PTPRQ: variants seen among roughly 807,000 people sequenced by gnomAD.
The protein encoded by PTPRQ is phosphatidylinositol phosphatase PTPRQ.
Under a neutral mutation model 246.0 loss-of-function variants are expected in PTPRQ, and 199 were observed. The ratio of observed to expected loss-of-function variants is 0.81; its 90% CI spans 0.72 to 0.91. The LOEUF is 0.91. Ranked by LOEUF, PTPRQ falls within the 40% of genes least tolerant of loss-of-function variation. PTPRQ has a pLI of 0.00. For synonymous variants in PTPRQ, 869 were observed against 853.2 expected, an observed-to-expected ratio of 1.02 and a Z score of -0.32; for missense variants, 2,624 against 2,528.4, an observed-to-expected ratio of 1.04 and a Z score of -0.81.
intron 43 of PTPRQ, among the ~76,000 whole-genome samples, chr12:80,674,254 A>G (rs905179591): frequency 1.3e-5 from 2 of 152,168 alleles, no homozygotes; most frequent in Admixed American, 6.6e-5. Context: ...GTTACATTCT[A>G]GAAAACAGAA....
intron 8 of PTPRQ, among the ~76,000 whole-genome samples, chr12:80,473,047 G>GCGCGCGCA (rs758446731): frequency 6.9e-6 from 1 of 145,574 alleles, no homozygotes; most frequent in African/African-American, 2.6e-5. Context: ...TCACACACAC[G>GCGCGCGCA]CACACACACA....
intron 11 of PTPRQ, 42 bp downstream of exon 11, chr12:80,495,136 G>A: frequency 2.6e-6 from 4 of 1,550,128 alleles, no homozygotes; most frequent in Non-Finnish European, 3.5e-6. Context: ...TGCAAATATT[G>A]CTGTTGTACA....
Position 80,542,225 on chromosome 12 carries a change from T to C in PTPRQ, c.3582T>C (p.Asn1194=), listed in dbSNP as rs751081052. 4.4e-5 allele frequency: 69 copies of C among 1,550,800 alleles called. No individual in the cohort carries two copies. Among genetic ancestry groups the C allele is most frequent in the Non-Finnish European group, 7.0e-6 (8 of 1,146,470 alleles). The change falls in exon 22 of 45, where the codon AAT becomes AAC. Residue 1194 remains asparagine, a synonymous_variant. Transcript: ENST00000644991. ...YDLTLQGPNE[N]YSFITSDNYI... ...TAACTTTACAAGGACCAAATGAAAATTATTCTTTCATTACTTCTGATAATT... is the reference window on the plus strand; with the variant it reads ...TAACTTTACAAGGACCAAATGAAAACTATTCTTTCATTACTTCTGATAATT...
At chr12:80,562,005 C>CT (rs915897883) in intron 25 of PTPRQ, among the ~76,000 whole-genome samples, 25 of 151,722 alleles carry the variant, frequency 1.6e-4, no homozygotes, top group Non-Finnish European at 2.9e-4. Context: ...TTGTCAAATG[C>CT]TTTTTTTTGC....
chr12:80,516,904 A>T (rs73347791), intron 17 of PTPRQ, among the ~76,000 whole-genome samples: 1 of 152,208 alleles, frequency 6.6e-6, no homozygotes, highest in Admixed American at 6.5e-5. Context: ...CAAGAGTTTG[A>T]CAAGTAGCAT....
At chr12:80,656,506 T>A (rs1031393645) in intron 38 of PTPRQ, among the ~76,000 whole-genome samples, 3 of 152,056 alleles carry the variant, frequency 2.0e-5, no homozygotes, top group African/African-American at 7.2e-5. Context: ...ATCAAAACAA[T>A]TAAGTAGTGG....
At chr12:80,590,230 T>C (rs1485645482) in intron 26 of PTPRQ, among the ~76,000 whole-genome samples, 2 of 152,146 alleles carry the variant, frequency 1.3e-5, no homozygotes, top group African/African-American at 4.8e-5. Flanking sequence ...AACCACACCA[T>C]CTAAACAAAT....
chr12:80,557,150 T>A (rs1896669161), intron 25 of PTPRQ, among the ~76,000 whole-genome samples: 1 of 152,116 alleles, frequency 6.6e-6, no homozygotes, highest in Non-Finnish European at 1.5e-5. Context: ...TAATACAGAA[T>A]AAAATCTCCA....
intron 25 of PTPRQ, among the ~76,000 whole-genome samples, chr12:80,574,060 G>A (rs1420382379): frequency 6.6e-6 from 1 of 151,880 alleles, no homozygotes; most frequent in Non-Finnish European, 1.5e-5. Flanking sequence ...GCTTCATGTA[G>A]TTTCAGTTAA....
intron 42 of PTPRQ, 26 bp from the exon 43 acceptor site, chr12:80,673,143 T>A: frequency 1.3e-6 from 2 of 1,548,546 alleles, no homozygotes; most frequent in African/African-American, 2.7e-5. Context: ...GCTGAATAAT[T>A]TTCATGTAAT....
chr12:80,621,575 A>G (rs541767231), intron 32 of PTPRQ, among the ~76,000 whole-genome samples: 2 of 152,024 alleles, frequency 1.3e-5, no homozygotes, highest in African/African-American at 2.4e-5. Context: ...TACAAATGCA[A>G]CTGTGCACAC....
intron 14 of PTPRQ, among the ~76,000 whole-genome samples, chr12:80,500,302 C>T (rs1363498195): frequency 1.3e-5 from 2 of 151,848 alleles, no homozygotes; most frequent in Admixed American, 6.6e-5. Flanking sequence ...TTCTATAATT[C>T]GGGGACACTC....
chr12:80,608,533 G>T (rs56388320), intron 27 of PTPRQ, among the ~76,000 whole-genome samples: 1 of 129,118 alleles, frequency 7.7e-6, no homozygotes, highest in African/African-American at 3.0e-5. Context: ...TTAATGGAAG[G>T]CATTGGAAGA....
chr12:80,558,209 C>T (rs971111540), intron 25 of PTPRQ, among the ~76,000 whole-genome samples: 2 of 125,430 alleles, frequency 1.6e-5, no homozygotes, highest in Non-Finnish European at 3.5e-5. Flanking sequence ...GCTTTGTCAT[C>T]CAGTCTGGAG....
intron 19 of PTPRQ, among the ~76,000 whole-genome samples, chr12:80,537,698 T>G (rs1453933929): frequency 6.6e-6 from 1 of 152,248 alleles, no homozygotes; most frequent in African/African-American, 2.4e-5. Flanking sequence ...CAATCCATAT[T>G]GTTCTTCCTT....
At chr12:80,599,306 G>T (rs145064953) in intron 26 of PTPRQ, among the ~76,000 whole-genome samples, 1 of 152,042 alleles carries the variant, frequency 6.6e-6, no homozygotes, top group African/African-American at 2.4e-5. Flanking sequence ...AATAAGGATA[G>T]ATCATTCCTA....
chr12:80,494,787 C>T (rs1894556782), intron 10 of PTPRQ, 146 bp from the exon 11 acceptor site: 1 of 677,358 alleles, frequency 1.5e-6, no homozygotes, highest in South Asian at 3.5e-5. Flanking sequence ...ACTATTATTA[C>T]ACACCTAACT....
At chr12:80,493,538 C>G in intron 10 of PTPRQ, 83 bp downstream of exon 10, 1 of 1,424,162 alleles carries the variant, frequency 7.0e-7, no homozygotes, top group Non-Finnish European at 9.2e-7. Flanking sequence ...GCTTAGAGTT[C>G]AGCCATATTA....
chr12:80,511,603 ACTTTTGATGGGATG>A (rs1482242648), intron 17 of PTPRQ, among the ~76,000 whole-genome samples: 1 of 152,164 alleles, frequency 6.6e-6, no homozygotes, highest in Non-Finnish European at 1.5e-5. Context: ...AAGGAGGTCT[ACTTTTGATGGGATG>A]CTTCAGGAAG....
Sources: gnomAD v4.1 joint callset for allele counts (sites outside exome capture counted in the v4.1 genomes callset) on GRCh38, gnomAD v4.1.1 for gene constraint, MANE v1.5 for transcripts, NCBI Gene and HGNC (gene_info 2026-07-23, HGNC 2026-07-21) for gene names.